The following RBM26 variants were observed in gnomAD, a reference collection of about 807,000 sequenced individuals.
RBM26 encodes RNA binding motif protein 26, also known as RNA-binding protein 26.
RBM26 carries 30 observed loss-of-function variants against 123.6 expected under a neutral mutation model. The observed-to-expected ratio is 0.24, with a 90% CI of 0.18 to 0.33. RBM26 has a LOEUF of 0.33. RBM26 is among the 10% of genes least tolerant of loss of function. The pLI is 1.00. For missense variants in RBM26, 947 were observed against 1,203.6 expected, an observed-to-expected ratio of 0.79 and a Z score of 3.15; for synonymous variants, 400 against 404.4, an observed-to-expected ratio of 0.99 and a Z score of 0.13.
chr13:79,389,625 C>G (rs763010396), intron 1 of RBM26: 1 of 151,946 alleles, frequency 6.6e-6, no homozygotes, highest in East Asian at 1.9e-4. Context: ...GTGGTATGGC[C>G]GTAGATGATT....
chr13:79,341,635 C>G (rs7996869), intron 17 of RBM26, among the ~76,000 whole-genome samples: 151,481 of 151,954 alleles, frequency 1, 75,508 homozygotes, highest in East Asian at 1. Context: ...GGATAAACCA[C>G]AACTAATGAT....
At chr13:79,332,439 T>C (rs1594013061) in intron 20 of RBM26, among the ~76,000 whole-genome samples, 1 of 152,316 alleles carries the variant, frequency 6.6e-6, no homozygotes, top group Non-Finnish European at 1.5e-5. Context: ...GCTCTATATG[T>C]ATCCTGCTTG....
chr13:79,390,830 G>A (rs1420846374), intron 1 of RBM26, among the ~76,000 whole-genome samples: 1 of 152,060 alleles, frequency 6.6e-6, no homozygotes, highest in African/African-American at 2.4e-5. Flanking sequence ...GGAAAACCAG[G>A]CAGGAAAATT....
chr13:79,345,227 C>T, intron 14 of RBM26, among the ~76,000 whole-genome samples: 1 of 152,016 alleles, frequency 6.6e-6, no homozygotes, highest in Non-Finnish European at 1.5e-5. Flanking sequence ...CTGAAACATA[C>T]CCTATTGCAT....
At chr13:79,378,611 TA>T (rs1195515312) in intron 2 of RBM26, among the ~76,000 whole-genome samples, 177 bp downstream of exon 2, 2 of 152,128 alleles carry the variant, frequency 1.3e-5, no homozygotes, top group Non-Finnish European at 2.9e-5. Flanking sequence ...GGCTAATTTT[TA>T]TATTTTATGT....
intron 1 of RBM26, among the ~76,000 whole-genome samples, chr13:79,394,658 G>A (rs1293675984): frequency 6.6e-6 from 1 of 152,116 alleles, no homozygotes; most frequent in African/African-American, 2.4e-5. Flanking sequence ...ATTTTTGACA[G>A]AGTCTCGCTC....
intron 18 of RBM26, 133 bp from the exon 19 acceptor site, chr13:79,337,435 T>A: frequency 9.6e-7 from 1 of 1,044,392 alleles, no homozygotes; most frequent in Non-Finnish European, 1.4e-6. Flanking sequence ...AAGGATCACA[T>A]AATTTAAATT....
intron 20 of RBM26, among the ~76,000 whole-genome samples, chr13:79,331,647 A>AC (rs1322631291): frequency 7.2e-4 from 110 of 152,100 alleles, no homozygotes; most frequent in Non-Finnish European, 2.4e-4. Context: ...AAAAAAAAAA[A>AC]AAATTGTACC....
At chr13:79,388,854 C>T (rs769075812) in intron 1 of RBM26, among the ~76,000 whole-genome samples, 1 of 151,834 alleles carries the variant, frequency 6.6e-6, no homozygotes, top group African/African-American at 2.4e-5. Context: ...AGAAACGTCA[C>T]AATGACAATT....
At chr13:79,334,533 G>T in intron 19 of RBM26, 103 bp from the exon 20 acceptor site, 1 of 568,900 alleles carries the variant, frequency 1.8e-6, no homozygotes. Flanking sequence ...ATATAACCCA[G>T]AATACATAAC....
At chr13:79,349,791 C>T (rs2072948843) in intron 14 of RBM26, among the ~76,000 whole-genome samples, 1 of 151,872 alleles carries the variant, frequency 6.6e-6, no homozygotes, top group South Asian at 2.1e-4. Flanking sequence ...CCTCCACCTC[C>T]CTGGTTCAAG....
intron 7 of RBM26, 93 bp from the exon 8 acceptor site, chr13:79,366,288 C>A: frequency 7.7e-7 from 1 of 1,304,006 alleles, no homozygotes; most frequent in Admixed American, 2.4e-5. Context: ...ATTTATCAAA[C>A]TATAATATCT....
At position 79,405,898 on chromosome 13, in the gene RBM26, G is replaced by A. The variant is rs1164901636; in HGVS notation, c.-124C>T. The A allele has an allele frequency of 4.6e-6, 2 of 434,956 alleles. No homozygotes were observed. Among genetic ancestry groups the A allele is most frequent in the African/African-American group, 4.2e-5 (2 of 48,074 alleles). 26.9% of individuals were successfully genotyped at this position (434,956 alleles called of 1,614,324 possible). ...GTGGGCCGCGGTGGGAGGCGCCGGT[G>A]GCAGGTTCCCGCGGGCCCCGGTCGG... On this transcript the variant is annotated 5_prime_UTR_variant, in exon 1 of 22. Transcript: ENST00000438737.
chr13:79,328,683 T>TAAAAAA (rs747906560), intron 20 of RBM26, among the ~76,000 whole-genome samples: 126 of 38,264 alleles, frequency 3.3e-3, no homozygotes, highest in Non-Finnish European at 4.1e-3. Flanking sequence ...CTGCATTAAG[T>TAAAAAA]AAAAAAAAAA....
intron 19 of RBM26, among the ~76,000 whole-genome samples, chr13:79,335,761 C>T (rs1218394291): frequency 6.6e-6 from 1 of 152,122 alleles, no homozygotes; most frequent in African/African-American, 2.4e-5. Flanking sequence ...TAAATCACAA[C>T]AAACTCACTT....
Position 79,337,266 on chromosome 13 carries a change from T to C in RBM26, c.2569A>G (p.Arg857Gly). 1 of 1,614,134 alleles carries C rather than the reference T, an allele frequency of 6.2e-7. No homozygotes were observed. Reference sequence around the variant, plus strand: ...CCTCGACCTCTTGAATGAATTCCTCTGCCCCGACCAGATGAAAGAATCCCT... The same window carrying C: ...CCTCGACCTCTTGAATGAATTCCTCCGCCCCGACCAGATGAAAGAATCCCT... ...KRGILSSGRG[R>G]GIHSRGRGAV... Residue 857 changes from arginine (R) to glycine (G), a missense_variant, in exon 19 of 22, where the codon AGA (arginine) becomes GGA (glycine). Physicochemically the swap from Arg to Gly is moderately radical, Grantham distance 125 (BLOSUM62 -2). Around this residue, in one of 5 missense-constraint regions of RBM26, gnomAD observed 164 missense variants for 215.3 expected, o/e 0.76. Coordinates refer to ENST00000438737, the MANE Select transcript of RBM26 (RefSeq NM_001366735.2).
intron 9 of RBM26, among the ~76,000 whole-genome samples, chr13:79,360,913 C>A (rs995862499): frequency 2.0e-5 from 3 of 152,080 alleles, no homozygotes; most frequent in African/African-American, 7.2e-5. Flanking sequence ...TTATAGATGG[C>A]AAAATTGATT....
At chr13:79,351,621 TC>T (rs1166331660) in intron 14 of RBM26, among the ~76,000 whole-genome samples, 1 of 150,212 alleles carries the variant, frequency 6.7e-6, no homozygotes, top group African/African-American at 2.5e-5. Flanking sequence ...GGAAATGCAC[TC>T]CAGAAAAATC....
At chr13:79,359,154 G>A (rs1452693656) in intron 10 of RBM26, among the ~76,000 whole-genome samples, 1 of 151,996 alleles carries the variant, frequency 6.6e-6, no homozygotes, top group Non-Finnish European at 1.5e-5. Context: ...TCAATGCCTA[G>A]ACAGCCTCTC....
Sources: allele counts gnomAD v4.1 joint callset (sites outside exome capture counted in the v4.1 genomes callset), GRCh38; gene constraint gnomAD v4.1.1; regional missense constraint gnomAD v4.1.1; transcripts MANE v1.5; gene names NCBI Gene and HGNC (gene_info 2026-07-23, HGNC 2026-07-21).